The following ABCC9 variants were observed in gnomAD, a reference collection of about 807,000 sequenced individuals.
ABCC9 encodes ATP binding cassette subfamily C member 9, also known as ATP-binding cassette sub-family C member 9.
Under a neutral mutation model 188.3 loss-of-function variants are expected in ABCC9, and 95 were observed. The observed-to-expected ratio is 0.50, with a 90% CI of 0.43 to 0.60. ABCC9 has a LOEUF of 0.60. Among genes scored for constraint, ABCC9 ranks in the 20% least tolerant of loss-of-function variants. The pLI is 0.00. For missense variants in ABCC9, 1,102 were observed against 1,876.3 expected (o/e 0.59, Z 7.62); for synonymous variants, 659 against 652.7 (o/e 1.01, Z -0.15).
intron 20 of ABCC9, among the ~76,000 whole-genome samples, chr12:21,862,033 G>A (rs1945534696): frequency 2.0e-5 from 3 of 152,236 alleles, no homozygotes; most frequent in Non-Finnish European, 2.9e-5. Flanking sequence ...TCATCTTAAT[G>A]TAGTAGAGTC....
intron 28 of ABCC9, among the ~76,000 whole-genome samples, chr12:21,844,205 T>A (rs1311330616): frequency 6.6e-6 from 1 of 152,154 alleles, no homozygotes; most frequent in African/African-American, 2.4e-5. Context: ...TCAAAACAAT[T>A]TTTTTATAAT....
intron 2 of ABCC9, among the ~76,000 whole-genome samples, chr12:21,938,975 G>A (rs1056979990): frequency 9.9e-5 from 15 of 152,130 alleles, no homozygotes; most frequent in Admixed American, 2.6e-4. Context: ...TGCTAACTAC[G>A]TGCTAGTTAC....
At chr12:21,844,576 A>C (rs1486096635) in intron 27 of ABCC9, 24 bp from the exon 28 acceptor site, 2 of 1,607,228 alleles carry the variant, frequency 1.2e-6, no homozygotes, top group African/African-American at 1.3e-5. Flanking sequence ...AGATGGAAGT[A>C]TATGATAATA....
In ABCC9 at chr12:21,915,793, T is replaced by TCCA. The variant is rs779955645; in HGVS notation, c.688_690dup (p.Trp230dup). ...TGAGCAGATATAATAAGTGTGTTCA[T>TCCA]CCACCAGTATGTTGCTTTTGACAGC... On this transcript the variant is annotated inframe_insertion, in exon 7 of 40. Transcript: ENST00000261200. 1 of 1,613,544 alleles carries TCCA rather than the reference T, an allele frequency of 6.2e-7. No individual in the cohort carries two copies. The highest frequency in any genetic ancestry group is 1.7e-5 in the Admixed American group (1 of 59,946).
At chr12:21,887,082 G>A (rs973003709) in intron 15 of ABCC9, among the ~76,000 whole-genome samples, 11 of 152,092 alleles carry the variant, frequency 7.2e-5, no homozygotes, top group Admixed American at 6.6e-5. Flanking sequence ...GATATCACAT[G>A]TCTTGTTCAT....
rs1340272542 is a variant in ABCC9 at position 21,805,272 on chromosome 12, C to T, written c.4512+726G>A. On this transcript the variant is annotated intron_variant, in intron 39 of 39. Transcript: ENST00000261200. ...TCCACTAAAATACCCTCAGAAAAGA[C>T]TAAAACAAGGCCTGCATCCATAATA... 8 of 1,613,954 alleles carry T rather than the reference C, an allele frequency of 5.0e-6. No individual in the cohort carries two copies. Among genetic ancestry groups the T allele is most frequent in the Non-Finnish European group, 6.8e-6 (8 of 1,179,962 alleles).
intron 31 of ABCC9, chr12:21,827,041 G>GT (rs1943421070): frequency 2.3e-6 from 2 of 877,744 alleles, no homozygotes; most frequent in Non-Finnish European, 1.4e-6. Flanking sequence ...TCAGTATTTT[G>GT]TTTTTTGCAG....
chr12:21,828,786 A>G (rs185052605), intron 31 of ABCC9, among the ~76,000 whole-genome samples, 172 bp downstream of exon 31: 16 of 152,346 alleles, frequency 1.1e-4, no homozygotes, highest in Middle Eastern at 3.4e-3. Context: ...TAGCTAAAAC[A>G]TTATGACAAA....
intron 16 of ABCC9, among the ~76,000 whole-genome samples, chr12:21,879,216 C>T (rs1946513274): frequency 6.6e-6 from 1 of 152,116 alleles, no homozygotes; most frequent in Admixed American, 6.6e-5. Context: ...TATGGGCATG[C>T]CTAAGCACAT....
intron 29 of ABCC9, 24 bp from the exon 30 acceptor site, chr12:21,838,194 A>G: frequency 6.8e-7 from 1 of 1,476,642 alleles, no homozygotes; most frequent in Non-Finnish European, 9.5e-7. Flanking sequence ...GGGCAAAAAT[A>G]AACTTCATGT....
intron 24 of ABCC9, among the ~76,000 whole-genome samples, chr12:21,849,974 T>A (rs1944877517): frequency 6.6e-6 from 1 of 152,052 alleles, no homozygotes; most frequent in Non-Finnish European, 1.5e-5. Context: ...AACTGACAGC[T>A]CTTTTTCAAG....
chr12:21,927,129 T>C (rs1949074658), intron 4 of ABCC9, among the ~76,000 whole-genome samples: 1 of 152,114 alleles, frequency 6.6e-6, no homozygotes, highest in South Asian at 2.1e-4. Flanking sequence ...TGCAAATACA[T>C]AGAAGCATGA....
chr12:21,848,262 T>C lies in ABCC9; in HGVS notation c.2770-16A>G, dbSNP rs543544121. 5.7e-5 allele frequency: 91 copies of C among 1,606,398 alleles called. 1 individual carries two copies. The South Asian group carries it at 9.2e-4, about 16-fold the overall frequency. ...CTTCCATATCCTGCAGTAAACATTGTACTATCATGCAAGGAGCTAACACCA... is the reference window on the plus strand; with the variant it reads ...CTTCCATATCCTGCAGTAAACATTGCACTATCATGCAAGGAGCTAACACCA... On this transcript the variant is annotated splice_polypyrimidine_tract_variant and intron_variant, in intron 24 of 39. Transcript: ENST00000261200.
intron 14 of ABCC9, among the ~76,000 whole-genome samples, chr12:21,890,254 C>T (rs997872937): frequency 1.8e-4 from 27 of 152,056 alleles, no homozygotes; most frequent in African/African-American, 6.3e-4. Context: ...ATGTAATGAC[C>T]CGCTTCTTAA....
intron 18 of ABCC9, among the ~76,000 whole-genome samples, chr12:21,866,871 G>C (rs1945808238): frequency 6.6e-6 from 1 of 152,130 alleles, no homozygotes; most frequent in African/African-American, 2.4e-5. Flanking sequence ...TCGTTAAAAA[G>C]AGAAATGTTC....
chr12:21,846,741 C>T (rs1431973268), intron 25 of ABCC9, among the ~76,000 whole-genome samples: 2 of 152,104 alleles, frequency 1.3e-5, no homozygotes, highest in Admixed American at 6.5e-5. Flanking sequence ...ACTAGAAATT[C>T]GCATGATCAA....
rs975340602 is a variant in ABCC9 at position 21,798,950 on chromosome 12, A to T, written c.*2094T>A. On this transcript the variant is annotated 3_prime_UTR_variant, in exon 40 of 40. Transcript: ENST00000261200. Reference sequence around the variant, plus strand: ...TGATGAGTTCATGTCCTTTGTAGGGACATGGATGAAACTGGAAACCATCAT... The same window carrying T: ...TGATGAGTTCATGTCCTTTGTAGGGTCATGGATGAAACTGGAAACCATCAT... The T allele has an allele frequency of 1.3e-5, 2 of 150,084 alleles. No homozygotes were observed. The highest frequency in any genetic ancestry group is 4.9e-5 in the African/African-American group (2 of 40,630). 9.3% of individuals were successfully genotyped at this position (150,084 alleles called of 1,614,324 possible).
rs538850928 is a variant in ABCC9, at chr12:21,817,135, T to C, written c.3892+52A>G. ...CAACAATGTGCCCAACAAACACTAATATTTGTTTAAAATAAATATTTAAGT... is the reference window on the plus strand; with the variant it reads ...CAACAATGTGCCCAACAAACACTAACATTTGTTTAAAATAAATATTTAAGT... On this transcript the variant is annotated intron_variant, in intron 33 of 39. Coordinates refer to ENST00000261200, the MANE Select transcript of ABCC9 (RefSeq NM_020297.4). 1.8e-4 allele frequency: 281 copies of C among 1,588,772 alleles called. 2 individuals carry two copies. The South Asian group carries it at 3.0e-3, about 17-fold the overall frequency.
At chr12:21,885,106 G>T (rs1251993463) in intron 15 of ABCC9, among the ~76,000 whole-genome samples, 2 of 152,148 alleles carry the variant, frequency 1.3e-5, no homozygotes, top group Non-Finnish European at 2.9e-5. Flanking sequence ...AATATGAAGA[G>T]ACTTTGGCCC....
Sources: gnomAD v4.1 joint callset for allele counts (sites outside exome capture counted in the v4.1 genomes callset) on GRCh38, gnomAD v4.1.1 for gene constraint, MANE v1.5 for transcripts, NCBI Gene and HGNC (gene_info 2026-07-23, HGNC 2026-07-21) for gene names.